Variants in FGF7 observed in about 807,000 individuals in gnomAD.
The protein encoded by FGF7 is fibroblast growth factor 7.
FGF7 carries 6 observed loss-of-function variants against 20.5 expected under a neutral mutation model. The ratio of observed to expected loss-of-function variants is 0.29; its 90% CI spans 0.16 to 0.58. The LOEUF is 0.58. Ranked by LOEUF, FGF7 falls within the 20% of genes least tolerant of loss-of-function variation. FGF7 has a pLI of 0.90. For synonymous variants in FGF7, 64 were observed against 74.7 expected (o/e 0.86, Z 0.74); for missense variants, 144 against 228.8 (o/e 0.63, Z 2.39).
At chr15:49,433,649 G>A (rs1368842838) in intron 2 of FGF7, among the ~76,000 whole-genome samples, 2 of 151,516 alleles carry the variant, frequency 1.3e-5, no homozygotes, top group South Asian at 4.2e-4. Context: ...TCAAGGAACT[G>A]GTGGAAAATT....
intron 2 of FGF7, among the ~76,000 whole-genome samples, chr15:49,450,480 G>A (rs2052623790): frequency 6.6e-6 from 1 of 151,980 alleles, no homozygotes; most frequent in Non-Finnish European, 1.5e-5. Context: ...CCATTAGAGA[G>A]CCATTTTATA....
chr15:49,429,406 A>G (rs776904938), intron 2 of FGF7, among the ~76,000 whole-genome samples: 14 of 151,972 alleles, frequency 9.2e-5, no homozygotes, highest in Admixed American at 3.9e-4. Context: ...CCTGGCACTT[A>G]TGAAGTGCTA....
chr15:49,426,836 A>G (rs2050173227), intron 2 of FGF7, among the ~76,000 whole-genome samples: 1 of 151,990 alleles, frequency 6.6e-6, no homozygotes, highest in South Asian at 2.1e-4. Flanking sequence ...TAAACTTTTT[A>G]ATAGGCTGTA....
intron 2 of FGF7, among the ~76,000 whole-genome samples, chr15:49,477,216 C>T (rs911653119): frequency 1.3e-5 from 2 of 152,122 alleles, no homozygotes; most frequent in Admixed American, 6.5e-5. Flanking sequence ...ATACTAAGGT[C>T]CACGTTTTGC....
intron 2 of FGF7, among the ~76,000 whole-genome samples, chr15:49,441,946 T>G (rs1321941156): frequency 2.0e-5 from 3 of 151,584 alleles, no homozygotes; most frequent in Admixed American, 6.6e-5. Flanking sequence ...TTATAATTAT[T>G]TGTATATGTC....
At chr15:49,471,804 T>C (rs1380000823) in intron 2 of FGF7, among the ~76,000 whole-genome samples, 1 of 152,014 alleles carries the variant, frequency 6.6e-6, no homozygotes, top group African/African-American at 2.4e-5. Flanking sequence ...AGTGGGGAGC[T>C]GTGGTCTTCC....
At chr15:49,481,960 C>T (rs1314168522) in intron 2 of FGF7, among the ~76,000 whole-genome samples, 1 of 151,878 alleles carries the variant, frequency 6.6e-6, no homozygotes, top group African/African-American at 2.4e-5. Flanking sequence ...TTTTATTATC[C>T]AGGTAGCAAA....
At chr15:49,473,370 T>C (rs186047247) in intron 2 of FGF7, among the ~76,000 whole-genome samples, 5 of 152,260 alleles carry the variant, frequency 3.3e-5, no homozygotes, top group East Asian at 3.9e-4. Flanking sequence ...TTGAGTTAAA[T>C]ATAAGTTATT....
At chr15:49,440,500 G>C (rs2051535744) in intron 2 of FGF7, among the ~76,000 whole-genome samples, 1 of 151,578 alleles carries the variant, frequency 6.6e-6, no homozygotes, top group Non-Finnish European at 1.5e-5. Context: ...ACTACTTAAT[G>C]TCCTATTTAC....
At chr15:49,470,103 T>C (rs142074313) in intron 2 of FGF7, among the ~76,000 whole-genome samples, 1 of 152,234 alleles carries the variant, frequency 6.6e-6, no homozygotes, top group African/African-American at 2.4e-5. Context: ...TGTTGCTCCA[T>C]CTTTTGAAGA....
intron 2 of FGF7, among the ~76,000 whole-genome samples, chr15:49,464,752 A>G (rs574082578): frequency 6.6e-6 from 1 of 152,306 alleles, no homozygotes; most frequent in African/African-American, 2.4e-5. Context: ...AAGACACAAA[A>G]CAGAACACAT....
intron 2 of FGF7, among the ~76,000 whole-genome samples, chr15:49,465,898 G>A (rs1219805913): frequency 6.6e-6 from 1 of 152,100 alleles, no homozygotes; most frequent in Non-Finnish European, 1.5e-5. Context: ...TTAATATGGT[G>A]TTTTTGTCAT....
intron 2 of FGF7, among the ~76,000 whole-genome samples, chr15:49,476,579 A>G (rs1472540711): frequency 4.8e-5 from 7 of 146,374 alleles, no homozygotes; most frequent in Non-Finnish European, 1.0e-4. Flanking sequence ...TTAATCCATT[A>G]CCAAAGACAT....
At chr15:49,430,744 C>G (rs763609676) in intron 2 of FGF7, among the ~76,000 whole-genome samples, 9 of 151,738 alleles carry the variant, frequency 5.9e-5, no homozygotes, top group Non-Finnish European at 1.0e-4. Flanking sequence ...CTCTTCATAA[C>G]TCACTTCTGA....
At chr15:49,481,475 A>C (rs545239263) in intron 2 of FGF7, among the ~76,000 whole-genome samples, 2 of 152,348 alleles carry the variant, frequency 1.3e-5, no homozygotes, top group Admixed American at 6.5e-5. Flanking sequence ...CTGTGAATTA[A>C]GCCTAGCATA....
At chr15:49,425,766 T>C (rs1012117693) in intron 2 of FGF7, among the ~76,000 whole-genome samples, 2 of 151,836 alleles carry the variant, frequency 1.3e-5, no homozygotes, top group African/African-American at 4.8e-5. Context: ...TGATATAGAA[T>C]GTTAAGGCCA....
chr15:49,484,145 C>T (rs1364501809), intron 3 of FGF7, among the ~76,000 whole-genome samples, 165 bp from the exon 4 acceptor site: 1 of 151,978 alleles, frequency 6.6e-6, no homozygotes, highest in Non-Finnish European at 1.5e-5. Context: ...TGCAAATATA[C>T]TACATAAGTA....
At chr15:49,434,914 G>C (rs1436994469) in intron 2 of FGF7, among the ~76,000 whole-genome samples, 1 of 151,292 alleles carries the variant, frequency 6.6e-6, no homozygotes, top group African/African-American at 2.4e-5. Context: ...TTCCTTTAAA[G>C]GGAAATTTTA....
rs2049932513 is a variant in FGF7 at position 49,424,240 on chromosome 15, T to C, written c.-58T>C. The C allele has an allele frequency of 6.8e-7, 1 of 1,477,106 alleles. No individual in the cohort carries two copies. Among genetic ancestry groups the C allele is most frequent in the East Asian group, 2.3e-5 (1 of 43,990 alleles). The allele number at this position is 1,477,106 out of a possible 1,614,324, so 91.5% of individuals were successfully genotyped here. On this transcript the variant is annotated 5_prime_UTR_variant, in exon 2 of 4. Coordinates refer to ENST00000267843, the MANE Select transcript of FGF7 (RefSeq NM_002009.4). ...GAGGTCAATGACCTAGGAGTAACAA[T>C]CAACTCAAGATTCATTTTCATTATG...
Sources: allele counts gnomAD v4.1 joint callset (sites outside exome capture counted in the v4.1 genomes callset), GRCh38; gene constraint gnomAD v4.1.1; transcripts MANE v1.5; gene names NCBI Gene and HGNC (gene_info 2026-07-23, HGNC 2026-07-21).